MYO3B: variants seen among roughly 807,000 people sequenced by gnomAD.
MYO3B encodes the protein myosin IIIB.
A neutral mutation model predicts 174.6 loss-of-function variants in MYO3B; 156 were observed. The observed-to-expected ratio is 0.89, with a 90% confidence interval of 0.78 to 1.02. MYO3B has a LOEUF of 1.02. Among genes scored for constraint, MYO3B ranks in the 50% least tolerant of loss-of-function variants. The pLI is 0.00. For synonymous variants in MYO3B, 563 were observed against 569.1 expected (o/e 0.99, Z 0.15); for missense variants, 1,632 against 1,639.4 (o/e 1.00, Z 0.08).
At chr2:170,187,149 T>G (rs1468829844) in intron 1 of MYO3B, among the ~76,000 whole-genome samples, 1 of 152,140 alleles carries the variant, frequency 6.6e-6, no homozygotes, top group Non-Finnish European at 1.5e-5. Context: ...TCATTTCAAT[T>G]TTACTTCTTT....
chr2:170,260,169 A>C lies in MYO3B; in HGVS notation c.749+24033A>C, dbSNP rs899161752. Among the ~76,000 whole-genome samples the C allele has an allele frequency of 2.6e-5, 4 of 152,380 alleles. No homozygotes were observed. The South Asian group carries it at 8.3e-4, about 32-fold the overall frequency. On this transcript the variant is annotated intron_variant, in intron 7 of 34. Coordinates refer to ENST00000408978, the MANE Select transcript of MYO3B (RefSeq NM_138995.5). Reference sequence around the variant, plus strand: ...AAAGCAGTTTTGAGATTTCTCAAAGAACTAAAAGAAGAACGACCATTCAAC... The same window carrying C: ...AAAGCAGTTTTGAGATTTCTCAAAGCACTAAAAGAAGAACGACCATTCAAC...
At chr2:170,540,063 T>TA (rs1266195422) in intron 30 of MYO3B, among the ~76,000 whole-genome samples, 1 of 152,124 alleles carries the variant, frequency 6.6e-6, no homozygotes, top group Admixed American at 6.6e-5. Context: ...CCTTTATCTG[T>TA]AAAAATAGGT....
intron 7 of MYO3B, among the ~76,000 whole-genome samples, chr2:170,316,926 T>C (rs1214737918): frequency 6.6e-6 from 1 of 152,196 alleles, no homozygotes; most frequent in Admixed American, 6.5e-5. Flanking sequence ...CTATAGAAGC[T>C]GGCTGCAGAC....
At chr2:170,601,928 C>G in intron 32 of MYO3B, 1 of 829,994 alleles carries the variant, frequency 1.2e-6, no homozygotes, top group Non-Finnish European at 2.0e-6. Context: ...AGCAAAAAGG[C>G]CGAAGGAGGC....
chr2:170,649,275 T>C (rs1324249768), intron 32 of MYO3B, among the ~76,000 whole-genome samples: 1 of 57,914 alleles, frequency 1.7e-5, no homozygotes, highest in Non-Finnish European at 2.8e-5. Context: ...ATATTATATA[T>C]AAAATAATAT....
intron 32 of MYO3B, among the ~76,000 whole-genome samples, chr2:170,598,744 G>C (rs892710625): frequency 7.9e-5 from 12 of 152,286 alleles, no homozygotes; most frequent in African/African-American, 2.9e-4. Flanking sequence ...TCCTAGTTAT[G>C]TGAACTTGGG....
intron 32 of MYO3B, among the ~76,000 whole-genome samples, chr2:170,636,588 G>A (rs1418832888): frequency 6.6e-6 from 1 of 151,944 alleles, no homozygotes; most frequent in Admixed American, 6.6e-5. Flanking sequence ...TCTCATGCAG[G>A]ATGAGCGGCC....
rs567660717 is a variant in MYO3B at position 170,537,083 on chromosome 2, C to T, written c.3576-5823C>T. 2.6e-5 allele frequency among the ~76,000 whole-genome samples: 4 copies of T among 151,652 alleles called. No homozygotes were observed. In the East Asian group the frequency reaches 7.8e-4, roughly 30 times the overall value. The stretch of plus-strand genomic sequence containing the variant: ...GGGCGTGGTGGTGGGCGCTTGTAAT[C>T]CCAGTTACTTGGGAGGCTGAGGCAG... On this transcript the variant is annotated intron_variant, in intron 30 of 34. Transcript: ENST00000408978.
At chr2:170,183,018 G>A (rs377357059) in intron 1 of MYO3B, among the ~76,000 whole-genome samples, 1 of 152,072 alleles carries the variant, frequency 6.6e-6, no homozygotes. Context: ...GACTTTGGGA[G>A]GCCAAGGCGG....
At chr2:170,285,043 T>A (rs1043417449) in intron 7 of MYO3B, among the ~76,000 whole-genome samples, 1 of 152,226 alleles carries the variant, frequency 6.6e-6, no homozygotes, top group African/African-American at 2.4e-5. Context: ...GCAGATCTAG[T>A]TTATTCAGTT....
At chr2:170,520,663 A>G (rs1688622923) in intron 30 of MYO3B, among the ~76,000 whole-genome samples, 1 of 152,120 alleles carries the variant, frequency 6.6e-6, no homozygotes, top group Admixed American at 6.5e-5. Context: ...AATATAATTC[A>G]AAAGGAGTAT....
chr2:170,230,241 C>G (rs2092999672), intron 6 of MYO3B, among the ~76,000 whole-genome samples: 1 of 147,958 alleles, frequency 6.8e-6, no homozygotes, highest in Non-Finnish European at 1.5e-5. Context: ...GTGATCTTGG[C>G]TCACTGCAAC....
At chr2:170,524,762 G>T in intron 30 of MYO3B, 1 of 293,476 alleles carries the variant, frequency 3.4e-6, no homozygotes, top group Non-Finnish European at 6.7e-6. Flanking sequence ...TGGGATTATA[G>T]GCATGAGCCA....
At chr2:170,293,882 T>G (rs1414512036) in intron 7 of MYO3B, among the ~76,000 whole-genome samples, 1 of 152,112 alleles carries the variant, frequency 6.6e-6, no homozygotes, top group East Asian at 1.9e-4. Flanking sequence ...CAATATCCAC[T>G]TCTTGGTTTC....
chr2:170,325,038 G>C (rs2093855508), intron 7 of MYO3B, among the ~76,000 whole-genome samples: 1 of 152,116 alleles, frequency 6.6e-6, no homozygotes, highest in African/African-American at 2.4e-5. Context: ...TGAATCTCAG[G>C]CTTGGGTTTG....
chr2:170,246,567 C>CACACAT lies in MYO3B; in HGVS notation c.749+10431_749+10432insACACAT, dbSNP rs1553571063. On this transcript the variant is annotated intron_variant, in intron 7 of 34. Transcript: ENST00000408978. ...ACACACACACACACACACACACACA[C>CACACAT]GAACATCATATAAAGACAGACACAC... Among the ~76,000 whole-genome samples the CACACAT allele has an allele frequency of 2.0e-5, 3 of 149,956 alleles. No homozygotes were observed. In the East Asian group the frequency reaches 5.8e-4, roughly 29 times the overall value.
chr2:170,482,217 G>A (rs1685739394), intron 25 of MYO3B, among the ~76,000 whole-genome samples: 1 of 151,668 alleles, frequency 6.6e-6, no homozygotes, highest in Admixed American at 6.6e-5. Context: ...GTGCAGCGGA[G>A]CAATCTCTGC....
At chr2:170,252,619 A>T (rs1431882219) in intron 7 of MYO3B, among the ~76,000 whole-genome samples, 1 of 152,210 alleles carries the variant, frequency 6.6e-6, no homozygotes, top group Non-Finnish European at 1.5e-5. Flanking sequence ...TACATTCTAG[A>T]GGGGGAAAGA....
At chr2:170,377,178 T>C (rs1403326846) in intron 9 of MYO3B, among the ~76,000 whole-genome samples, 1 of 152,228 alleles carries the variant, frequency 6.6e-6, no homozygotes, top group Non-Finnish European at 1.5e-5. Flanking sequence ...AGTGATGAGA[T>C]ATTAGAGAAC....
Sources: gnomAD v4.1 joint callset for allele counts (sites outside exome capture counted in the v4.1 genomes callset) on GRCh38, gnomAD v4.1.1 for gene constraint, MANE v1.5 for transcripts, NCBI Gene and HGNC (gene_info 2026-07-23, HGNC 2026-07-21) for gene names.